The following KMT2C variants were observed in gnomAD, a reference collection of about 807,000 sequenced individuals.
KMT2C encodes the protein histone-lysine N-methyltransferase 2C.
In KMT2C, 88 loss-of-function variants were observed where a neutral mutation model predicts 507.9. The ratio of observed to expected loss-of-function variants is 0.17; its 90% CI spans 0.15 to 0.21. The LOEUF (loss-of-function observed/expected upper bound fraction) is 0.21, where lower values mean the gene tolerates loss of function less well. Ranked by LOEUF, KMT2C falls within the 10% of genes least tolerant of loss-of-function variation. The pLI is 1.00. For synonymous variants in KMT2C, 2,049 were observed against 2,080.8 expected (o/e 0.98, Z 0.42); for missense variants, 4,954 against 5,957.8 (o/e 0.83, Z 5.55).
At chr7:152,243,475 A>C (rs957144195) in intron 14 of KMT2C, among the ~76,000 whole-genome samples, 1 of 152,198 alleles carries the variant, frequency 6.6e-6, no homozygotes, top group Non-Finnish European at 1.5e-5. Flanking sequence ...TTCATTTATG[A>C]AATTTTCTTG....
intron 1 of KMT2C, among the ~76,000 whole-genome samples, chr7:152,359,801 C>T (rs944526220): frequency 2.0e-5 from 3 of 152,182 alleles, no homozygotes; most frequent in Non-Finnish European, 2.9e-5. Flanking sequence ...GTAATCCCAG[C>T]ACTTTGGGAG....
chr7:152,192,398 C>T (rs1563333420), intron 31 of KMT2C, among the ~76,000 whole-genome samples: 1 of 151,958 alleles, frequency 6.6e-6, no homozygotes, highest in East Asian at 1.9e-4. Flanking sequence ...AAAAATTAGC[C>T]GGGCACAGTG....
chr7:152,258,133 C>T (rs982371456), intron 9 of KMT2C, among the ~76,000 whole-genome samples: 11 of 152,178 alleles, frequency 7.2e-5, no homozygotes, highest in African/African-American at 2.2e-4. Context: ...TAACAATGGA[C>T]TTATTCCAGG....
intron 45 of KMT2C, 40 bp downstream of exon 45, chr7:152,156,165 C>T (rs369782263): frequency 2.5e-6 from 4 of 1,606,752 alleles, no homozygotes; most frequent in African/African-American, 2.7e-5. Context: ...GGCAGAGGCA[C>T]ATTTCTCCGA....
intron 42 of KMT2C, among the ~76,000 whole-genome samples, chr7:152,164,451 G>A (rs547812588): frequency 0.012 from 1,816 of 151,768 alleles, 42 homozygotes; most frequent in African/African-American, 0.042. Context: ...TACCACGCCC[G>A]GCTAATTTTT....
chr7:152,277,523 C>T lies in KMT2C; in HGVS notation c.850-3656G>A, dbSNP rs536107576. Among the ~76,000 whole-genome samples, 5 of 152,124 alleles carry T rather than the reference C, an allele frequency of 3.3e-5. No homozygotes were observed. The South Asian group carries it at 8.3e-4, about 25-fold the overall frequency. On this transcript the variant is annotated intron_variant, in intron 6 of 58. Coordinates refer to ENST00000262189, the MANE Select transcript of KMT2C (RefSeq NM_170606.3). ...ATTCAACAGATGAGGAACCTAAAACCGAAAGAGTCATTATCACTGTTCCAC... is the reference window on the plus strand; with the variant it reads ...ATTCAACAGATGAGGAACCTAAAACTGAAAGAGTCATTATCACTGTTCCAC...
chr7:152,335,806 A>T (rs2096928590), intron 2 of KMT2C, among the ~76,000 whole-genome samples: 1 of 152,244 alleles, frequency 6.6e-6, no homozygotes, highest in African/African-American at 2.4e-5. Context: ...AGAAAAGTTA[A>T]ACGTTAATGT....
intron 1 of KMT2C, among the ~76,000 whole-genome samples, chr7:152,386,703 T>C (rs1172521106): frequency 6.6e-6 from 1 of 152,304 alleles, no homozygotes; most frequent in Admixed American, 6.5e-5. Context: ...ACTTAACTGT[T>C]ACTGTGTTAC....
intron 31 of KMT2C, among the ~76,000 whole-genome samples, chr7:152,190,269 G>A (rs961123352): frequency 1.3e-5 from 2 of 152,142 alleles, no homozygotes; most frequent in Non-Finnish European, 2.9e-5. Context: ...AGAAACAAGA[G>A]TTTATTGACA....
chr7:152,370,576 C>T (rs1055720331), intron 1 of KMT2C, among the ~76,000 whole-genome samples: 1 of 152,144 alleles, frequency 6.6e-6, no homozygotes, highest in Non-Finnish European at 1.5e-5. Context: ...AAACTAAAGA[C>T]CAATTTCCTA....
intron 42 of KMT2C, among the ~76,000 whole-genome samples, chr7:152,165,977 C>G (rs563215540): frequency 6.6e-6 from 1 of 152,156 alleles, no homozygotes; most frequent in South Asian, 2.1e-4. Flanking sequence ...CGTGAGCCAC[C>G]GTGCCTGGCC....
chr7:152,215,747 C>CA (rs1234954392), intron 23 of KMT2C, among the ~76,000 whole-genome samples: 1 of 149,242 alleles, frequency 6.7e-6, no homozygotes, highest in Non-Finnish European at 1.5e-5. Context: ...CACACACACA[C>CA]ATTTCCTTAT....
At position 152,220,550 on chromosome 7, in the gene KMT2C, T is replaced by C. The variant is rs1326204127; in HGVS notation, c.3685A>G (p.Arg1229Gly). Reference sequence around the variant, plus strand: ...CGACTATCATCCATTTCACCATCCCTTGAATGCTCTGATTGGATGTCTGGA... The same window carrying C: ...CGACTATCATCCATTTCACCATCCCCTGAATGCTCTGATTGGATGTCTGGA... ...TPPDIQSEHS[R>G]DGEMDDSREG... The change falls in exon 23 of 59, where the codon AGG becomes GGG. Residue 1229 changes from arginine (R) to glycine (G), a missense_variant. Physicochemically the swap from Arg to Gly is moderately radical, Grantham distance 125 (BLOSUM62 -2). Transcript: ENST00000262189. 7 of 1,610,992 alleles carry C rather than the reference T, an allele frequency of 4.3e-6. No individual in the cohort carries two copies. The highest frequency in any genetic ancestry group is 1.3e-5 in the African/African-American group (1 of 74,862).
At chr7:152,317,411 C>A (rs910958572) in intron 3 of KMT2C, among the ~76,000 whole-genome samples, 3 of 152,008 alleles carry the variant, frequency 2.0e-5, no homozygotes, top group Non-Finnish European at 4.4e-5. Flanking sequence ...CACAACATAA[C>A]CCAACCAGAG....
At position 152,180,023 on chromosome 7, in the gene KMT2C, C is replaced by T. The variant is rs372345714; in HGVS notation, c.7253G>A (p.Gly2418Glu). ...CTCTGGTTGCCAGTGTTGAAGAGGC[C>T]CTGGATGAGGCACTGCGGGTGAGTC... ...SQDSPAVPHP[G>E]PLQHWQPENV... is the part of the protein sequence containing the mutation. Residue 2418 changes from glycine (G) to glutamate (E), a missense_variant, in exon 37 of 59, where the codon GGG becomes GAG. Transcript: ENST00000262189. 41 of 1,613,912 alleles carry T rather than the reference C, an allele frequency of 2.5e-5. No individual in the cohort carries two copies.
rs115561962 is a variant in KMT2C, at chr7:152,360,136, T to C, written c.162-1461A>G. Among the ~76,000 whole-genome samples, 1,290 of 150,576 alleles carry C rather than the reference T, an allele frequency of 8.6e-3. 17 individuals carry two copies. The highest frequency in any genetic ancestry group is 0.03 in the African/African-American group (1,236 of 40,946). ...GAAAAAAGAATAAAACAAAGAACTA[T>C]GTTTTAAACAATAAGAAATCCATTT... is the stretch of plus-strand genomic sequence containing the variant. On this transcript the variant is annotated intron_variant, in intron 1 of 58. Coordinates refer to ENST00000262189, the MANE Select transcript of KMT2C (RefSeq NM_170606.3).
chr7:152,250,764 C>T lies in KMT2C; in HGVS notation c.1735+89G>A, dbSNP rs2095550525. The T allele has an allele frequency of 1.5e-5, 11 of 726,430 alleles. No individual in the cohort carries two copies. The South Asian group carries it at 1.8e-4, about 12-fold the overall frequency. 45.0% of individuals were successfully genotyped at this position (726,430 alleles called of 1,614,324 possible). ...CTCTTCCTAAGTGACTGCATCTTGG[C>T]TTTTACTGAAGTTTTAGTCAATATT... is the stretch of plus-strand genomic sequence containing the variant. On this transcript the variant is annotated intron_variant, in intron 12 of 58. Transcript: ENST00000262189.
intron 6 of KMT2C, among the ~76,000 whole-genome samples, chr7:152,274,662 T>A (rs1481139280): frequency 6.6e-6 from 1 of 152,258 alleles, no homozygotes; most frequent in Non-Finnish European, 1.5e-5. Flanking sequence ...ACTTTGAGCA[T>A]CATTTTCTTT....
chr7:152,162,668 T>C lies in KMT2C; in HGVS notation c.10909A>G (p.Ile3637Val). Residue 3637 changes from isoleucine to valine, a missense_variant, in exon 43 of 59, where the codon ATC (isoleucine) becomes GTC (valine). By Grantham distance (29) the Ile-to-Val change is conservative (BLOSUM62 3). Coordinates refer to ENST00000262189, the MANE Select transcript of KMT2C (RefSeq NM_170606.3). ...SDITAPPTPG[I>V]SETTSTPAVS... is the part of the protein sequence containing the mutation. Reference sequence around the variant, plus strand: ...GCAGGAGTAGAGGTAGTTTCTGAGATGCCTGGAGTCGGTGGGGCAGTTATA... The same window carrying C: ...GCAGGAGTAGAGGTAGTTTCTGAGACGCCTGGAGTCGGTGGGGCAGTTATA... 2 of 1,614,234 alleles carry C rather than the reference T, an allele frequency of 1.2e-6. No individual in the cohort carries two copies. The highest frequency in any genetic ancestry group is 1.7e-6 in the Non-Finnish European group (2 of 1,180,028).
Sources: allele counts gnomAD v4.1 joint callset (sites outside exome capture counted in the v4.1 genomes callset), GRCh38; gene constraint gnomAD v4.1.1; transcripts MANE v1.5; gene names NCBI Gene and HGNC (gene_info 2026-07-23, HGNC 2026-07-21).